RADIL: variants seen among roughly 807,000 people sequenced by gnomAD.
RADIL encodes the protein Rap associating with DIL domain.
In RADIL, 99 loss-of-function variants were observed where a neutral mutation model predicts 97.6. The ratio of observed to expected loss-of-function variants is 1.01; its 90% confidence interval spans 0.86 to 1.20. The LOEUF (loss-of-function observed/expected upper bound fraction) is 1.20. Ranked by LOEUF, RADIL falls within the 50% of genes most tolerant of loss-of-function variation. The pLI is 0.00. For missense variants in RADIL, 1,765 were observed against 1,498.9 expected (o/e 1.18, Z -2.93); for synonymous variants, 803 against 691.8 (o/e 1.16, Z -2.52).
rs578185758 is a variant in RADIL at position 4,878,405 on chromosome 7, A to T, written c.-64-202T>A. On this transcript the variant is annotated intron_variant, in intron 1 of 14. Transcript: ENST00000399583. This position sits in a 1 kb window ranked among gnomAD's most constrained non-coding sequence, Gnocchi z 4.1. ...CAAAAAATTTAAAAATTAGCCAGGC[A>T]TGGTGGTGTGCACTGTACCCACTGC... Among the ~76,000 whole-genome samples the T allele has an allele frequency of 3.3e-5, 5 of 152,244 alleles. No individual in the cohort carries two copies. The South Asian group carries it at 1.0e-3, about 32-fold the overall frequency.
rs1784301635 is a variant in RADIL at position 4,873,528 on chromosome 7, T to G, written c.535+4077A>C. 6.6e-6 allele frequency among the ~76,000 whole-genome samples: 1 copy of G among 152,204 alleles called. No homozygotes were observed. The highest frequency in any genetic ancestry group is 1.9e-4 in the East Asian group (1 of 5,178). On this transcript the variant is annotated intron_variant, in intron 2 of 14. Coordinates refer to ENST00000399583, the MANE Select transcript of RADIL (RefSeq NM_018059.5). The surrounding 1 kb of genome is among the most constrained non-coding windows in gnomAD (Gnocchi z 4.3). The stretch of plus-strand genomic sequence containing the variant: ...TCCTCTTGGGAGAGAATGCAGGAGC[T>G]GAAGGGGCCCTGGCGTGCGCTGGAC...
chr7:4,850,789 T>G (rs1399102006), intron 2 of RADIL, among the ~76,000 whole-genome samples: 1 of 152,166 alleles, frequency 6.6e-6, no homozygotes, highest in Non-Finnish European at 1.5e-5. Context: ...ATACCTTGAG[T>G]GCAGCCGTGT....
Position 4,800,276 on chromosome 7 carries a change from T to A in RADIL, c.2877A>T (p.Pro959=), listed in dbSNP as rs1337972829. 2 of 1,521,558 alleles carry A rather than the reference T, an allele frequency of 1.3e-6. No individual in the cohort carries two copies. Among genetic ancestry groups the A allele is most frequent in the Admixed American group, 4.3e-5 (2 of 46,862 alleles). The allele number at this position is 1,521,558 out of a possible 1,614,324, so 94.3% of individuals were successfully genotyped here. ...TGCTGGAGCTGCGGCTGGACGGGGC[T>A]GGAGGGGACTCCTCCGCAAGGGCTG... ...DSAALAEESP[P]APSSRSSSTE... Residue 959 remains proline (P), a synonymous_variant, in exon 13 of 15, where the codon CCA becomes CCT. Transcript: ENST00000399583.
At chr7:4,828,781 G>T (rs948817736) in intron 5 of RADIL, among the ~76,000 whole-genome samples, 1 of 152,174 alleles carries the variant, frequency 6.6e-6, no homozygotes, top group Non-Finnish European at 1.5e-5. Context: ...GGATGGAAAC[G>T]GCTGTTTTTA....
Position 4,878,271 on chromosome 7 carries a change from C to T in RADIL, c.-64-68G>A, listed in dbSNP as rs1784415044. 5 of 1,033,686 alleles carry T rather than the reference C, an allele frequency of 4.8e-6. No individual in the cohort carries two copies. In the Admixed American group the frequency reaches 8.9e-5, roughly 18 times the overall value. 64.0% of individuals were successfully genotyped at this position (1,033,686 alleles called of 1,614,324 possible). On this transcript the variant is annotated intron_variant, in intron 1 of 14. Coordinates refer to ENST00000399583, the MANE Select transcript of RADIL (RefSeq NM_018059.5). This position sits in a 1 kb window ranked among gnomAD's most constrained non-coding sequence, Gnocchi z 4.1. ...CACCAAGAGCAAATGAGGCCACAGG[C>T]GGTGACTCCTGCCCGTCATCCCAGC...
In RADIL at chr7:4,847,832, G is replaced by A. The variant is rs371370135; in HGVS notation, c.536-11227C>T. On this transcript the variant is annotated intron_variant, in intron 2 of 14. Coordinates refer to ENST00000399583, the MANE Select transcript of RADIL (RefSeq NM_018059.5). Reference sequence around the variant, plus strand: ...AGCAAATGTATAGAGCCAGAAAACTGATCAGGGGCTGCCTGGGTCTGGGGG... The same window carrying A: ...AGCAAATGTATAGAGCCAGAAAACTAATCAGGGGCTGCCTGGGTCTGGGGG... 5.7e-4 allele frequency among the ~76,000 whole-genome samples: 83 copies of A among 146,710 alleles called. No individual in the cohort carries two copies. In the South Asian group the frequency reaches 0.017, roughly 30 times the overall value.
rs1302115940 is a variant in RADIL, at chr7:4,825,199, G to A, written c.1455-2645C>T. Among the ~76,000 whole-genome samples the A allele has an allele frequency of 2.0e-5, 3 of 152,224 alleles. No homozygotes were observed. The East Asian group carries it at 5.8e-4, about 29-fold the overall frequency. Reference sequence around the variant, plus strand: ...CTGGCTGGGGCAGTTCTAGAAGAGGGCAGAGGGGAAGGGCACTCAGCAGGG... The same window carrying A: ...CTGGCTGGGGCAGTTCTAGAAGAGGACAGAGGGGAAGGGCACTCAGCAGGG... On this transcript the variant is annotated intron_variant, in intron 5 of 14. Transcript: ENST00000399583.
chr7:4,862,943 T>C lies in RADIL; in HGVS notation c.535+14662A>G, dbSNP rs186409850. Among the ~76,000 whole-genome samples, 369 of 152,038 alleles carry C rather than the reference T, an allele frequency of 2.4e-3. 2 individuals are homozygous for C. Among genetic ancestry groups the C allele is most frequent in the African/African-American group, 8.3e-3 (344 of 41,486 alleles). Reference sequence around the variant, plus strand: ...AAATAAAAATAAAAAATAAAAAATATAATCTTACCCAGGATACACTATGAT... The same window carrying C: ...AAATAAAAATAAAAAATAAAAAATACAATCTTACCCAGGATACACTATGAT... On this transcript the variant is annotated intron_variant, in intron 2 of 14. Transcript: ENST00000399583.
rs199947712 is a variant in RADIL at position 4,849,138 on chromosome 7, CAA to C, written c.536-12535_536-12534del. On this transcript the variant is annotated intron_variant, in intron 2 of 14. Coordinates refer to ENST00000399583, the MANE Select transcript of RADIL (RefSeq NM_018059.5). The surrounding 1 kb of genome is among the most constrained non-coding windows in gnomAD (Gnocchi z 5.4). ...GGGCAACAAGAGGGAAATTCTGTCT[CAA>C]AAAAAAAAAAAAAAAGGGAATTAAA... is the stretch of plus-strand genomic sequence containing the variant. Among the ~76,000 whole-genome samples the C allele has an allele frequency of 0.5, 59,744 of 120,422 alleles. 12,337 individuals carry two copies. Among genetic ancestry groups the C allele is most frequent in the South Asian group, 0.6 (2,381 of 3,942 alleles). The allele number at this position is 120,422 out of a possible 152,430, so 79.0% of individuals were successfully genotyped here. A position where few individuals can be genotyped will look rare whatever the true frequency, so the allele number is the denominator to read the frequency against.
At chr7:4,875,191 C>CCAACAACAACAA (rs145735931) in intron 2 of RADIL, among the ~76,000 whole-genome samples, 3 of 110,156 alleles carry the variant, frequency 2.7e-5, no homozygotes, top group African/African-American at 5.3e-5. Flanking sequence ...GACTCCATCT[C>CCAACAACAACAA]CAACAACAAC....
At chr7:4,860,188 G>T in intron 2 of RADIL, 1 of 1,613,972 alleles carries the variant, frequency 6.2e-7, no homozygotes, top group Non-Finnish European at 8.5e-7. Context: ...TCTTCATAGT[G>T]CTAGTAGATG....
chr7:4,877,582 C>A (rs752775524), intron 2 of RADIL, 23 bp downstream of exon 2: 137 of 1,571,890 alleles, frequency 8.7e-5, no homozygotes, highest in Non-Finnish European at 1.1e-4. Context: ...CACGGCTCTT[C>A]CTGAACCTGT....
Position 4,836,692 on chromosome 7 carries a change from C to A in RADIL, c.536-87G>T. On this transcript the variant is annotated intron_variant, in intron 2 of 14. Coordinates refer to ENST00000399583, the MANE Select transcript of RADIL (RefSeq NM_018059.5). Reference sequence around the variant, plus strand: ...GTGGCTCACCCCTGTAATCCCAGCACTTTGGGAGGCCGAGGTGGGGGGATC... The same window carrying A: ...GTGGCTCACCCCTGTAATCCCAGCAATTTGGGAGGCCGAGGTGGGGGGATC... The A allele has an allele frequency of 2.6e-6, 4 of 1,545,080 alleles. No individual in the cohort carries two copies. In the South Asian group the frequency reaches 4.6e-5, roughly 18 times the overall value.
chr7:4,866,901 G>A (rs1028696516), intron 2 of RADIL, among the ~76,000 whole-genome samples: 18 of 152,190 alleles, frequency 1.2e-4, no homozygotes, highest in South Asian at 8.3e-4. Context: ...ATGAGTTCTC[G>A]TTCTGGCAAG....
intron 10 of RADIL, among the ~76,000 whole-genome samples, chr7:4,805,043 G>A (rs902872567): frequency 1.1e-4 from 17 of 151,030 alleles, no homozygotes; most frequent in African/African-American, 3.9e-4. Flanking sequence ...GCAGTGAGCT[G>A]AGATTGCACC....
chr7:4,877,300 G>A (rs910414278), intron 2 of RADIL, among the ~76,000 whole-genome samples: 1 of 152,190 alleles, frequency 6.6e-6, no homozygotes, highest in African/African-American at 2.4e-5. Context: ...AAAATTAGCT[G>A]GGTGTGGTGG....
chr7:4,846,751 G>A (rs1783585345), intron 2 of RADIL, among the ~76,000 whole-genome samples: 1 of 150,906 alleles, frequency 6.6e-6, no homozygotes, highest in Non-Finnish European at 1.5e-5. Context: ...TCACCATGTT[G>A]GCCAGGCTGG....
At chr7:4,862,429 A>G (rs1226787302) in intron 2 of RADIL, among the ~76,000 whole-genome samples, 1 of 152,148 alleles carries the variant, frequency 6.6e-6, no homozygotes, top group Non-Finnish European at 1.5e-5. Flanking sequence ...CGAGGTCGAC[A>G]TTTGTGTTCT....
At position 4,815,694 on chromosome 7, in the gene RADIL, C is replaced by T. The variant is rs1332531284; in HGVS notation, c.1967-244G>A. On this transcript the variant is annotated intron_variant, in intron 8 of 14. Transcript: ENST00000399583. This position sits in a 1 kb window ranked among gnomAD's most constrained non-coding sequence, Gnocchi z 8.0. ...GGGTGGGCTGTGACTGCCGCTGACT[C>T]CACAGTGCAGCCCCTAGCTGGGACC... 6.6e-6 allele frequency among the ~76,000 whole-genome samples: 1 copy of T among 152,142 alleles called. No individual in the cohort carries two copies.
Sources: gnomAD v4.1 joint callset for allele counts (sites outside exome capture counted in the v4.1 genomes callset) on GRCh38, gnomAD v4.1.1 for gene constraint, Gnocchi (gnomAD v3.1) non-coding constraint, MANE v1.5 for transcripts, NCBI Gene and HGNC (gene_info 2026-07-23, HGNC 2026-07-21) for gene names.